Variants in OR4D9 observed in about 807,000 individuals in gnomAD.
OR4D9 encodes the protein olfactory receptor family 4 subfamily D member 9.
Under a neutral mutation model 0.8 loss-of-function variants are expected in OR4D9, and 2 were observed. That is an observed-to-expected ratio of 2.58 (90% CI 1.06 to 8.13). OR4D9 has a LOEUF of 8.13. Among genes scored for constraint, OR4D9 ranks in the 30% most tolerant of loss-of-function variants. OR4D9 has a pLI of 0.04. For missense variants in OR4D9, 399 were observed against 384.7 expected, an observed-to-expected ratio of 1.04 and a Z score of -0.31; for synonymous variants, 146 against 151.2, an observed-to-expected ratio of 0.97 and a Z score of 0.25.
Position 59,515,598 on chromosome 11 carries a change from C to T in OR4D9, c.686C>T (p.Thr229Ile), listed in dbSNP as rs1379407255. The T allele has an allele frequency of 5.6e-6, 9 of 1,614,184 alleles. No individual in the cohort carries two copies. The highest frequency in any genetic ancestry group is 7.6e-6 in the Non-Finnish European group (9 of 1,180,034). Reference sequence around the variant, plus strand: ...ATCTTGATGATGCTGAGGTCTCACACTGGGGAAGGCAGGAGGAAAGCCATC... The same window carrying T: ...ATCTTGATGATGCTGAGGTCTCACATTGGGGAAGGCAGGAGGAAAGCCATC... ...TVILMMLRSH[T>I]GEGRRKAIST... The change falls in exon 3 of 3, where the codon ACT (threonine) becomes ATT (isoleucine). Residue 229 changes from threonine to isoleucine, a missense_variant. Transcript: ENST00000641962.
At position 59,517,943 on chromosome 11, in the gene OR4D9, C is replaced by T. The variant is rs1859425971; in HGVS notation, c.*2086C>T. 2 of 152,280 alleles carry T rather than the reference C, an allele frequency of 1.3e-5. No individual in the cohort carries two copies. Among genetic ancestry groups the T allele is most frequent in the South Asian group, 2.1e-4 (1 of 4,826 alleles). The allele number at this position is 152,280 out of a possible 1,614,324, so 9.4% of individuals were successfully genotyped here. On this transcript the variant is annotated 3_prime_UTR_variant, in exon 3 of 3. Coordinates refer to ENST00000641962, the MANE Select transcript of OR4D9 (RefSeq NM_001004711.2). ...CTCTCAAATGGGAAGCAACTGACTC[C>T]CCCTTATATAGCAGGATTAGCCAGA... is the stretch of plus-strand genomic sequence containing the variant.
At chr11:59,514,628 A>G (rs1228288851) in intron 1 of OR4D9, 45 bp from the exon 2 acceptor site, 1 of 300,052 alleles carries the variant, frequency 3.3e-6, no homozygotes, top group Non-Finnish European at 6.1e-6. Flanking sequence ...TTTTATAGTG[A>G]AAGTACAATT....
At position 59,513,251 on chromosome 11, in the gene OR4D9, T is replaced by G. The variant is rs190653344; in HGVS notation, c.-124-1422T>G. 3.2e-3 allele frequency among the ~76,000 whole-genome samples: 480 copies of G among 152,268 alleles called. 2 individuals carry two copies. The highest frequency in any genetic ancestry group is 4.4e-3 in the Non-Finnish European group (302 of 68,034). On this transcript the variant is annotated intron_variant, in intron 1 of 2. Transcript: ENST00000641962. ...CACCACGCCCAGCTAATTTTTGTAT[T>G]TTTAGTAGAGACGGGGTTTTAACAT...
At position 59,515,554 on chromosome 11, in the gene OR4D9, C is replaced by T. The variant is rs771126583; in HGVS notation, c.642C>T (p.Leu214=). Reference sequence around the variant, plus strand: ...TCAGTTGGTTTGTATTCTTCTTTCTCCTCATATCTTACACGGTCATCTTGA... The same window carrying T: ...TCAGTTGGTTTGTATTCTTCTTTCTTCTCATATCTTACACGGTCATCTTGA... ...GLVSWFVFFF[L]LISYTVILMM... Residue 214 remains leucine (L), a synonymous_variant, in exon 3 of 3, where the codon CTC becomes CTT. Transcript: ENST00000641962. The T allele has an allele frequency of 8.7e-6, 14 of 1,614,094 alleles. No homozygotes were observed. The Admixed American group carries it at 2.3e-4, about 27-fold the overall frequency.
In OR4D9 at chr11:59,517,793, T is replaced by G. The variant is rs1014466783; in HGVS notation, c.*1936T>G. The G allele has an allele frequency of 6.6e-6, 1 of 151,348 alleles. No individual in the cohort carries two copies. The highest frequency in any genetic ancestry group is 2.4e-5 in the African/African-American group (1 of 41,044). The allele number at this position is 151,348 out of a possible 1,614,324, so 9.4% of individuals were successfully genotyped here. A position where few individuals can be genotyped will look rare whatever the true frequency, so the allele number is the denominator to read the frequency against. ...TTGCAGTGAGCCAAGATTGTGCCACTGCACTCCAGCCTGGGCGACAGAGCG... is the reference window on the plus strand; with the variant it reads ...TTGCAGTGAGCCAAGATTGTGCCACGGCACTCCAGCCTGGGCGACAGAGCG... On this transcript the variant is annotated 3_prime_UTR_variant, in exon 3 of 3. Coordinates refer to ENST00000641962, the MANE Select transcript of OR4D9 (RefSeq NM_001004711.2).
Position 59,519,622 on chromosome 11 carries a change from T to C in OR4D9, c.*3765T>C, listed in dbSNP as rs574978404. ...CTCTCACTTATTCCCAAACTTTTCA[T>C]GGGCTTGTTGTAAACAAGTTCGATT... On this transcript the variant is annotated 3_prime_UTR_variant, in exon 3 of 3. Coordinates refer to ENST00000641962, the MANE Select transcript of OR4D9 (RefSeq NM_001004711.2). 6.6e-6 allele frequency: 1 copy of C among 152,304 alleles called. No homozygotes were observed. The highest frequency in any genetic ancestry group is 2.1e-4 in the South Asian group (1 of 4,828). The allele number at this position is 152,304 out of a possible 1,614,324, so 9.4% of individuals were successfully genotyped here. A position where few individuals can be genotyped will look rare whatever the true frequency, so the allele number is the denominator to read the frequency against.
At position 59,519,107 on chromosome 11, in the gene OR4D9, C is replaced by G. The variant is rs1165037286; in HGVS notation, c.*3250C>G. 1 of 152,150 alleles carries G rather than the reference C, an allele frequency of 6.6e-6. No individual in the cohort carries two copies. The highest frequency in any genetic ancestry group is 2.4e-5 in the African/African-American group (1 of 41,428). The allele number at this position is 152,150 out of a possible 1,614,324, so 9.4% of individuals were successfully genotyped here. A position where few individuals can be genotyped will look rare whatever the true frequency, so the allele number is the denominator to read the frequency against. ...GTGGCTCATGCCTGTAATCTCAGCA[C>G]CTTGGGAGGCCAGGGAGGGTGGATT... On this transcript the variant is annotated 3_prime_UTR_variant, in exon 3 of 3. Coordinates refer to ENST00000641962, the MANE Select transcript of OR4D9 (RefSeq NM_001004711.2).
chr11:59,515,350 G>A lies in OR4D9; in HGVS notation c.438G>A (p.Val146=), dbSNP rs1859389339. The A allele has an allele frequency of 1.9e-6, 3 of 1,613,768 alleles. No homozygotes were observed. The highest frequency in any genetic ancestry group is 1.7e-6 in the Non-Finnish European group (2 of 1,179,952). ...MSRGRCTGLI[V]ASWVGGFVHS... ...GGGGGCGATGCACAGGCCTCATCGT[G>A]GCTTCCTGGGTGGGGGGCTTTGTCC... Residue 146 remains valine, a synonymous_variant, in exon 3 of 3, where the codon GTG becomes GTA. Coordinates refer to ENST00000641962, the MANE Select transcript of OR4D9 (RefSeq NM_001004711.2).
At position 59,520,154 on chromosome 11, in the gene OR4D9, C is replaced by T. The variant is rs1472100861; in HGVS notation, c.*4297C>T. The T allele has an allele frequency of 6.6e-6, 1 of 151,950 alleles. No homozygotes were observed. The highest frequency in any genetic ancestry group is 1.5e-5 in the Non-Finnish European group (1 of 68,008). 9.4% of individuals were successfully genotyped at this position (151,950 alleles called of 1,614,324 possible). On this transcript the variant is annotated 3_prime_UTR_variant, in exon 3 of 3. Coordinates refer to ENST00000641962, the MANE Select transcript of OR4D9 (RefSeq NM_001004711.2). ...TCTTGGCCAATCTTCTTTGGGCACT[C>T]TACCCTAATGTTCTATCTCATGGAA...
intron 1 of OR4D9, among the ~76,000 whole-genome samples, chr11:59,513,794 A>G (rs773541113): frequency 1.3e-5 from 2 of 152,116 alleles, no homozygotes; most frequent in Non-Finnish European, 2.9e-5. Context: ...TTATTCCAGC[A>G]TAAAAAAATA....
rs1859423350 is a variant in OR4D9 at position 59,517,731 on chromosome 11, T to G, written c.*1874T>G. On this transcript the variant is annotated 3_prime_UTR_variant, in exon 3 of 3. Coordinates refer to ENST00000641962, the MANE Select transcript of OR4D9 (RefSeq NM_001004711.2). ...CTGTAATCCCAGCTACTCAGGAGGCTAAGGCAGGAGAATTGCTTGAACCTG... is the reference window on the plus strand; with the variant it reads ...CTGTAATCCCAGCTACTCAGGAGGCGAAGGCAGGAGAATTGCTTGAACCTG... 6.6e-6 allele frequency: 1 copy of G among 151,820 alleles called. No homozygotes were observed. The highest frequency in any genetic ancestry group is 1.5e-5 in the Non-Finnish European group (1 of 68,050). 9.4% of individuals were successfully genotyped at this position (151,820 alleles called of 1,614,324 possible).
intron 1 of OR4D9, among the ~76,000 whole-genome samples, chr11:59,513,139 A>T (rs1233926046): frequency 6.6e-6 from 1 of 151,720 alleles, no homozygotes; most frequent in Non-Finnish European, 1.5e-5. Context: ...CAGTGGCATG[A>T]TCTCAGCTCA....
At chr11:59,513,128 G>A (rs777388980) in intron 1 of OR4D9, among the ~76,000 whole-genome samples, 19 of 151,992 alleles carry the variant, frequency 1.3e-4, no homozygotes, top group Non-Finnish European at 1.3e-4. Flanking sequence ...AGGCTGGAGT[G>A]CAGTGGCATG....
rs926159293 is a variant in OR4D9, at chr11:59,512,285, T to G, written c.-125+539T>G. ...CAAAGAAGGGTCCCCTTTGGGATGATTTTTTTTCTTTTTTCTTTTTTTTTT... is the reference window on the plus strand; with the variant it reads ...CAAAGAAGGGTCCCCTTTGGGATGAGTTTTTTTCTTTTTTCTTTTTTTTTT... On this transcript the variant is annotated intron_variant, in intron 1 of 2. Coordinates refer to ENST00000641962, the MANE Select transcript of OR4D9 (RefSeq NM_001004711.2). Among the ~76,000 whole-genome samples the G allele has an allele frequency of 4.1e-5, 6 of 147,292 alleles. No individual in the cohort carries two copies. In the East Asian group the frequency reaches 1.2e-3, roughly 30 times the overall value.
In OR4D9 at chr11:59,520,360, A is replaced by G. The variant is rs1313359804; in HGVS notation, c.*4503A>G. Reference sequence around the variant, plus strand: ...TTGACATTTCCTGTGTTCTATTTCTACCACTCAAAAATGTTCTGAATTTCT... The same window carrying G: ...TTGACATTTCCTGTGTTCTATTTCTGCCACTCAAAAATGTTCTGAATTTCT... On this transcript the variant is annotated 3_prime_UTR_variant, in exon 3 of 3. Coordinates refer to ENST00000641962, the MANE Select transcript of OR4D9 (RefSeq NM_001004711.2). 6.6e-6 allele frequency: 1 copy of G among 150,788 alleles called. No homozygotes were observed. The highest frequency in any genetic ancestry group is 1.5e-5 in the Non-Finnish European group (1 of 67,842). The allele number at this position is 150,788 out of a possible 1,614,324, so 9.3% of individuals were successfully genotyped here.
rs1428132361 is a variant in OR4D9 at position 59,515,481 on chromosome 11, C to A, written c.569C>A (p.Thr190Asn). ...DVPQVLKLAC[T>N]DTFTLELLMI... ...CCCCAGGTCCTCAAACTTGCCTGCA[C>A]TGACACCTTCACTCTGGAGCTCCTG... Residue 190 changes from threonine to asparagine, a missense_variant, in exon 3 of 3, where the codon ACT (threonine) becomes AAT (asparagine). Thr to Asn is a moderately conservative substitution (Grantham distance 65). Coordinates refer to ENST00000641962, the MANE Select transcript of OR4D9 (RefSeq NM_001004711.2). 1 of 1,614,214 alleles carries A rather than the reference C, an allele frequency of 6.2e-7. No individual in the cohort carries two copies. The highest frequency in any genetic ancestry group is 8.5e-7 in the Non-Finnish European group (1 of 1,180,046).
At chr11:59,511,999 A>G (rs1034340835) in intron 1 of OR4D9, among the ~76,000 whole-genome samples, 1 of 152,176 alleles carries the variant, frequency 6.6e-6, no homozygotes, top group African/African-American at 2.4e-5. Context: ...GGAAGATTTG[A>G]GTAAGATGTT....
At chr11:59,513,237 G>A (rs2134584569) in intron 1 of OR4D9, among the ~76,000 whole-genome samples, 1 of 152,232 alleles carries the variant, frequency 6.6e-6, no homozygotes, top group East Asian at 1.9e-4. Context: ...ACCACGCCCA[G>A]CTAATTTTTG....
Position 59,516,125 on chromosome 11 carries a change from G to C in OR4D9, c.*268G>C. On this transcript the variant is annotated 3_prime_UTR_variant, in exon 3 of 3. Coordinates refer to ENST00000641962, the MANE Select transcript of OR4D9 (RefSeq NM_001004711.2). ...ATATGTCTGAAAGTACTGGGATTCA[G>C]ATTGCTGCAAAAAGATTAAATGTAG... is the stretch of plus-strand genomic sequence containing the variant. The C allele has an allele frequency of 3.1e-6, 1 of 317,676 alleles. No individual in the cohort carries two copies. Among genetic ancestry groups the C allele is most frequent in the Non-Finnish European group, 5.8e-6 (1 of 173,884 alleles). The allele number at this position is 317,676 out of a possible 1,614,324, so 19.7% of individuals were successfully genotyped here. A position where few individuals can be genotyped will look rare whatever the true frequency, so the allele number is the denominator to read the frequency against.
Sources: gnomAD v4.1 joint callset for allele counts (sites outside exome capture counted in the v4.1 genomes callset) on GRCh38, gnomAD v4.1.1 for gene constraint, MANE v1.5 for transcripts, NCBI Gene and HGNC (gene_info 2026-07-23, HGNC 2026-07-21) for gene names.